Variants in ATF6 observed in about 807,000 individuals in gnomAD.
The protein encoded by ATF6 is cyclic AMP-dependent transcription factor ATF-6 alpha.
A neutral mutation model predicts 83.6 loss-of-function variants in ATF6; 53 were observed. The observed-to-expected ratio is 0.63, with a 90% confidence interval of 0.51 to 0.80. The LOEUF (loss-of-function observed/expected upper bound fraction) is 0.80. Ranked by LOEUF, ATF6 falls within the 30% of genes least tolerant of loss-of-function variation. ATF6 has a pLI of 0.00. For missense variants in ATF6, 744 were observed against 797.9 expected (o/e 0.93, Z 0.81); for synonymous variants, 288 against 285.8 (o/e 1.01, Z -0.08).
chr1:161,825,405 A>T (rs2101791523), intron 9 of ATF6, among the ~76,000 whole-genome samples: 1 of 152,322 alleles, frequency 6.6e-6, no homozygotes, highest in South Asian at 2.1e-4. Context: ...AGGGCTGAGT[A>T]TCCAAAGACT....
chr1:161,783,942 TAA>T (rs1243744535), intron 3 of ATF6, 46 bp from the exon 4 acceptor site: 1 of 1,274,802 alleles, frequency 7.8e-7, no homozygotes, highest in Non-Finnish European at 1.1e-6. Context: ...CATTTTATTA[TAA>T]GTTTTTATTG....
At chr1:161,783,851 A>G (rs1684689216) in intron 3 of ATF6, 139 bp from the exon 4 acceptor site, 1 of 611,894 alleles carries the variant, frequency 1.6e-6, no homozygotes. Context: ...TGCATCTTTC[A>G]TTTTCACTCG....
intron 14 of ATF6, among the ~76,000 whole-genome samples, chr1:161,865,559 C>T (rs995942370): frequency 2.0e-5 from 3 of 152,152 alleles, no homozygotes; most frequent in Non-Finnish European, 4.4e-5. Flanking sequence ...AAAGTGATTT[C>T]TCATTAGTTT....
chr1:161,943,721 A>G (rs1468828832), intron 15 of ATF6, among the ~76,000 whole-genome samples: 1 of 152,124 alleles, frequency 6.6e-6, no homozygotes, highest in African/African-American at 2.4e-5. Context: ...CGAACAAAAA[A>G]TCACCTTTTC....
chr1:161,807,170 A>C (rs1356831306), intron 7 of ATF6, among the ~76,000 whole-genome samples: 1 of 152,220 alleles, frequency 6.6e-6, no homozygotes, highest in Non-Finnish European at 1.5e-5. Flanking sequence ...GTGTAGGAGC[A>C]AAACTCATAA....
intron 7 of ATF6, among the ~76,000 whole-genome samples, chr1:161,809,346 A>G (rs1685391522): frequency 6.6e-6 from 1 of 152,144 alleles, no homozygotes; most frequent in Non-Finnish European, 1.5e-5. Context: ...TTCCAGCTTC[A>G]TCCATGTCCC....
chr1:161,817,913 C>T (rs113939024), intron 7 of ATF6, among the ~76,000 whole-genome samples: 3,543 of 151,898 alleles, frequency 0.023, 122 homozygotes, highest in African/African-American at 0.077. Context: ...CTGGCTAACA[C>T]GGTGAAACCC....
At chr1:161,949,386 G>A (rs1688819308) in intron 15 of ATF6, among the ~76,000 whole-genome samples, 1 of 152,234 alleles carries the variant, frequency 6.6e-6, no homozygotes, top group African/African-American at 2.4e-5. Context: ...AGGCTCAGAA[G>A]TAGATGTGTC....
chr1:161,887,670 A>G (rs1687455591), intron 14 of ATF6, among the ~76,000 whole-genome samples: 1 of 152,246 alleles, frequency 6.6e-6, no homozygotes, highest in African/African-American at 2.4e-5. Context: ...GTGATATAAT[A>G]TGTTGCTTAG....
At chr1:161,810,563 TGTGCAA>T (rs1269995647) in intron 7 of ATF6, among the ~76,000 whole-genome samples, 2 of 151,986 alleles carry the variant, frequency 1.3e-5, no homozygotes, top group African/African-American at 4.8e-5. Flanking sequence ...TTGTTAGCAA[TGTGCAA>T]GTGCATTTGT....
At chr1:161,812,307 G>A (rs2101771009) in intron 7 of ATF6, among the ~76,000 whole-genome samples, 1 of 147,810 alleles carries the variant, frequency 6.8e-6, no homozygotes, top group Non-Finnish European at 1.5e-5. Context: ...GTGTGTGTGT[G>A]TGTGTGTTTT....
intron 15 of ATF6, among the ~76,000 whole-genome samples, chr1:161,923,776 T>A (rs1688259727): frequency 6.6e-6 from 1 of 152,206 alleles, no homozygotes; most frequent in Non-Finnish European, 1.5e-5. Flanking sequence ...ATTAGTTACT[T>A]CTTTGACCCA....
At position 161,766,436 on chromosome 1, in the gene ATF6, G is replaced by A. The variant is rs1557948548; in HGVS notation, c.76G>A (p.Asp26Asn). Residue 26 changes from aspartate (D) to asparagine (N), a missense_variant, in exon 1 of 16, where the codon GAT becomes AAT. Transcript: ENST00000367942. ...SPGLFHRLDE[D>N]WDSALFAELG... ...GGGACTCTTTCACAGGCTGGATGAA[G>A]ATTGGGGTGAGTGGGATCTGAGAAT... 4.3e-6 allele frequency: 7 copies of A among 1,613,124 alleles called. No individual in the cohort carries two copies. The highest frequency in any genetic ancestry group is 5.9e-6 in the Non-Finnish European group (7 of 1,179,518).
At chr1:161,774,297 A>G (rs1325475133) in intron 1 of ATF6, among the ~76,000 whole-genome samples, 1 of 152,008 alleles carries the variant, frequency 6.6e-6, no homozygotes, top group African/African-American at 2.4e-5. Context: ...ATAAACTGAA[A>G]GAGGGGCAAG....
Position 161,819,755 on chromosome 1 carries a change from A to C in ATF6, c.1032A>C (p.Glu344Asp). The C allele has an allele frequency of 6.2e-7, 1 of 1,612,920 alleles. No individual in the cohort carries two copies. Residue 344 changes from glutamate (E) to aspartate (D), a missense_variant, in exon 8 of 16, where the codon GAA becomes GAC. Physicochemically the swap from Glu to Asp is conservative, Grantham distance 45 (BLOSUM62 2). Coordinates refer to ENST00000367942, the MANE Select transcript of ATF6 (RefSeq NM_007348.4). The stretch of plus-strand genomic sequence containing the variant: ...CGAGATTAAAGGCTGCCCTCTCAGA[A>C]AACGAGCAACTGAAGAAAGAAAATG... Reference protein sequence around the residue: ...LEARLKAALSENEQLKKENGT... With the variant: ...LEARLKAALSDNEQLKKENGT...
At chr1:161,952,001 A>G (rs908998998) in intron 15 of ATF6, among the ~76,000 whole-genome samples, 1 of 152,212 alleles carries the variant, frequency 6.6e-6, no homozygotes, top group Non-Finnish European at 1.5e-5. Context: ...TAATTGTTGA[A>G]TGAATTAGTG....
intron 1 of ATF6, among the ~76,000 whole-genome samples, chr1:161,771,112 T>G (rs200647690): frequency 1.3e-5 from 2 of 152,190 alleles, no homozygotes; most frequent in Non-Finnish European, 2.9e-5. Context: ...TTATTTGCCG[T>G]CTGTATGTTT....
rs1326798870 is a variant in ATF6 at position 161,863,197 on chromosome 1, G to A, written c.1605-1G>A. 3.2e-6 allele frequency: 5 copies of A among 1,565,910 alleles called. No homozygotes were observed. The highest frequency in any genetic ancestry group is 4.4e-6 in the Non-Finnish European group (5 of 1,144,058). On this transcript the variant is annotated splice_acceptor_variant, in intron 13 of 15. Coordinates refer to ENST00000367942, the MANE Select transcript of ATF6 (RefSeq NM_007348.4). LOFTEE classifies it high-confidence loss of function. ...AATACCTTATATTTTTCTTACTTTA[G>A]CAGGAACTCAGGGAGTGAGCTACAA...
chr1:161,929,042 T>C (rs1356368897), intron 15 of ATF6, among the ~76,000 whole-genome samples: 2 of 152,218 alleles, frequency 1.3e-5, no homozygotes, highest in African/African-American at 4.8e-5. Context: ...TCCCAGTTAT[T>C]AAGAACCTGA....
Sources: gnomAD v4.1 joint callset for allele counts (sites outside exome capture counted in the v4.1 genomes callset) on GRCh38, gnomAD v4.1.1 for gene constraint, MANE v1.5 for transcripts, NCBI Gene and HGNC (gene_info 2026-07-23, HGNC 2026-07-21) for gene names.